The following PTPRA variants were observed in gnomAD, a reference collection of about 807,000 sequenced individuals.
The protein encoded by PTPRA is protein tyrosine phosphatase receptor type A, also known as receptor-type tyrosine-protein phosphatase alpha.
PTPRA carries 25 observed loss-of-function variants against 104.8 expected under a neutral mutation model. The observed-to-expected ratio is 0.24, with a 90% CI of 0.17 to 0.33. PTPRA has a LOEUF of 0.33. Among genes scored for constraint, PTPRA ranks in the 10% least tolerant of loss-of-function variants. The probability of loss-of-function intolerance (pLI) is 1.00; values close to 1 mark genes in which losing one functional copy is unlikely to be tolerated. For synonymous variants in PTPRA, 323 were observed against 368.9 expected (o/e 0.88, Z 1.43); for missense variants, 765 against 1,015.3 (o/e 0.75, Z 3.35).
intron 17 of PTPRA, 101 bp from the exon 18 acceptor site, chr20:3,026,586 G>A (rs2065156729): frequency 1.2e-6 from 1 of 844,014 alleles, no homozygotes. Context: ...AGAGCAGTAT[G>A]GAGCCAGAGT....
chr20:2,925,891 T>C (rs2060276817), intron 2 of PTPRA, among the ~76,000 whole-genome samples: 1 of 152,078 alleles, frequency 6.6e-6, no homozygotes, highest in Non-Finnish European at 1.5e-5. Context: ...TTTTAGTTCT[T>C]TTGAGTATAT....
intron 1 of PTPRA, among the ~76,000 whole-genome samples, chr20:2,892,981 A>G (rs953518546): frequency 3.9e-5 from 6 of 152,238 alleles, no homozygotes; most frequent in African/African-American, 1.4e-4. Context: ...TTATACATTT[A>G]TGAAGATTTG....
chr20:2,945,941 C>CGT (rs958794055), intron 2 of PTPRA, among the ~76,000 whole-genome samples: 13 of 150,406 alleles, frequency 8.6e-5, no homozygotes, highest in African/African-American at 3.2e-4. Context: ...TATATATATG[C>CGT]GTGTGTGTAT....
chr20:2,938,557 C>G (rs1020239606), intron 2 of PTPRA, among the ~76,000 whole-genome samples: 2 of 151,958 alleles, frequency 1.3e-5, no homozygotes, highest in Non-Finnish European at 1.5e-5. Flanking sequence ...TCTTGGGACC[C>G]TGATAGCATG....
Position 2,965,097 on chromosome 20 carries a change from A to T in PTPRA, c.310A>T (p.Asn104Tyr). The change falls in exon 5 of 24, where the codon AAT becomes TAT. Residue 104 changes from asparagine (N) to tyrosine (Y), a missense_variant. This residue lies in a region of PTPRA where 256 missense variants were observed against 248.9 expected (regional missense o/e 1.03). Transcript: ENST00000399903. Reference sequence around the variant, plus strand: ...TTCTATAGGCATTACAATTTCACCAAATGGAACGTGGCTTCCAGATAACCA... The same window carrying T: ...TTCTATAGGCATTACAATTTCACCATATGGAACGTGGCTTCCAGATAACCA... ...TNSIGITISP[N>Y]GTWLPDNQFT... 3 of 1,614,098 alleles carry T rather than the reference A, an allele frequency of 1.9e-6. No homozygotes were observed. The highest frequency in any genetic ancestry group is 2.5e-6 in the Non-Finnish European group (3 of 1,179,970).
the PTPRA span, chr20:2,864,393 C>T: frequency 0.014 from 22,412 of 1,614,128 alleles, 485 homozygotes; most frequent in African/African-American, 0.093. This position sits in a 1 kb window ranked among gnomAD's most constrained non-coding sequence, Gnocchi z 5.2. Context: ...ACCTGAAGAA[C>T]GAGCTGAACC....
chr20:2,987,352 CCTT>C (rs908215696), intron 7 of PTPRA, among the ~76,000 whole-genome samples: 3 of 151,932 alleles, frequency 2.0e-5, no homozygotes, highest in Admixed American at 2.0e-4. Flanking sequence ...CTCTTTCTAA[CCTT>C]CTTTCAGGGT....
At chr20:2,918,312 G>A (rs764420606) in intron 1 of PTPRA, among the ~76,000 whole-genome samples, 13 of 151,996 alleles carry the variant, frequency 8.6e-5, no homozygotes, top group African/African-American at 7.2e-5. Context: ...CACTGTGCCC[G>A]GCTACATACT....
chr20:2,915,608 G>C (rs1238541322), intron 1 of PTPRA, among the ~76,000 whole-genome samples: 4 of 152,092 alleles, frequency 2.6e-5, no homozygotes, highest in Non-Finnish European at 5.9e-5. Context: ...TGTCAGTTTT[G>C]TTGCTTATGA....
chr20:3,027,662 T>C lies in PTPRA; in HGVS notation c.1786-45T>C, dbSNP rs766938539. 1.0e-4 allele frequency: 164 copies of C among 1,601,522 alleles called. 1 individual carries two copies. The highest frequency in any genetic ancestry group is 3.9e-4 in the Middle Eastern group (2 of 5,074). On this transcript the variant is annotated intron_variant, in intron 19 of 23. Coordinates refer to ENST00000399903, the MANE Select transcript of PTPRA (RefSeq NM_001385305.1). ...GGTCTGTCTTCTCCACTAGTCCCTC[T>C]GTGATTAAACCATCTCACCCTTGCA...
At chr20:3,034,261 ACT>A (rs1192945257) in intron 20 of PTPRA, among the ~76,000 whole-genome samples, 4 of 151,522 alleles carry the variant, frequency 2.6e-5, no homozygotes, top group Admixed American at 6.6e-5. Context: ...ACAGAGCAAG[ACT>A]CTCTCAAAAA....
At chr20:2,870,101 G>A (rs992487531), upstream of PTPRA, among the ~76,000 whole-genome samples, 6 of 151,808 alleles carry the variant, frequency 4.0e-5, no homozygotes, top group Non-Finnish European at 8.8e-5. Context: ...AGGCGCAGTG[G>A]TTCACCCCTG....
intron 1 of PTPRA, among the ~76,000 whole-genome samples, chr20:2,899,151 A>T (rs1425490803): frequency 6.6e-6 from 1 of 152,224 alleles, no homozygotes. Flanking sequence ...CTTGGCCAAC[A>T]TGATGAAACC....
chr20:2,976,068 G>C (rs1372181325), intron 6 of PTPRA, among the ~76,000 whole-genome samples: 1 of 152,164 alleles, frequency 6.6e-6, no homozygotes, highest in Non-Finnish European at 1.5e-5. Flanking sequence ...ATTTGAGTCA[G>C]AAAAGTGGGT....
At chr20:2,956,686 AAATAAAT>A (rs2061548926) in intron 3 of PTPRA, among the ~76,000 whole-genome samples, 1 of 148,224 alleles carries the variant, frequency 6.7e-6, no homozygotes, top group Non-Finnish European at 1.5e-5. Context: ...ATAAATAAAT[AAATAAAT>A]AAATCAGCCA....
chr20:2,867,497 CCCTCT>C, the PTPRA span, among the ~76,000 whole-genome samples: 692 of 106,414 alleles, frequency 6.5e-3, 6 homozygotes, highest in African/African-American at 0.03. Context: ...CCAGTGCACC[CCCTCT>C]GCTCTCCCTG....
chr20:2,959,559 A>G (rs188497419), intron 3 of PTPRA, among the ~76,000 whole-genome samples: 35 of 152,296 alleles, frequency 2.3e-4, no homozygotes, highest in African/African-American at 6.5e-4. Context: ...CTTTTTTAAA[A>G]TAGACTTTTT....
At chr20:2,958,844 CAAA>C (rs528139524) in intron 3 of PTPRA, among the ~76,000 whole-genome samples, 5 of 46,846 alleles carry the variant, frequency 1.1e-4, no homozygotes, top group Admixed American at 2.4e-4. Context: ...GAGACTGTAT[CAAA>C]AAAAAAAAAA....
At chr20:2,887,610 C>T (rs2090456147) in intron 1 of PTPRA, among the ~76,000 whole-genome samples, 1 of 152,146 alleles carries the variant, frequency 6.6e-6, no homozygotes, top group East Asian at 1.9e-4. Context: ...AACCTGGCCC[C>T]TGTGAATTGT....
Sources: gnomAD v4.1 joint callset for allele counts (sites outside exome capture counted in the v4.1 genomes callset) on GRCh38, gnomAD v4.1.1 for gene constraint, gnomAD v4.1.1 regional missense constraint, Gnocchi (gnomAD v3.1) non-coding constraint, MANE v1.5 for transcripts, NCBI Gene and HGNC (gene_info 2026-07-23, HGNC 2026-07-21) for gene names.